The following DCC variants were observed in gnomAD, a reference collection of about 807,000 sequenced individuals.
The protein encoded by DCC is DCC netrin 1 receptor, also known as netrin receptor DCC.
In DCC, 58 loss-of-function variants were observed where a neutral mutation model predicts 172.5. That is an observed-to-expected ratio of 0.34 (90% CI 0.27 to 0.42). The LOEUF (loss-of-function observed/expected upper bound fraction) is 0.42. Among genes scored for constraint, DCC ranks in the 10% least tolerant of loss-of-function variants. DCC has a pLI of 1.00. For missense variants in DCC, 1,740 were observed against 1,791.0 expected (o/e 0.97, Z 0.51); for synonymous variants, 709 against 644.5 (o/e 1.10, Z -1.52).
chr18:52,487,385 G>A (rs528989705), intron 1 of DCC, among the ~76,000 whole-genome samples: 4 of 152,270 alleles, frequency 2.6e-5, no homozygotes, highest in East Asian at 3.9e-4. Flanking sequence ...GTACCTAGAA[G>A]TGCTTCAGTT....
At chr18:52,609,176 G>A (rs1355777813) in intron 1 of DCC, among the ~76,000 whole-genome samples, 12 of 152,054 alleles carry the variant, frequency 7.9e-5, no homozygotes, top group Admixed American at 4.6e-4. Context: ...CTCTTTTGCC[G>A]AGGTACAACA....
chr18:52,549,102 C>T (rs1359278857), intron 1 of DCC, among the ~76,000 whole-genome samples: 1 of 151,716 alleles, frequency 6.6e-6, no homozygotes, highest in Non-Finnish European at 1.5e-5. Flanking sequence ...TCTGAATGCA[C>T]TTTTCATGGT....
chr18:52,960,537 C>A (rs115576991), intron 5 of DCC, among the ~76,000 whole-genome samples: 9,963 of 152,052 alleles, frequency 0.066, 427 homozygotes, highest in South Asian at 0.15. Flanking sequence ...AAAAATTGAC[C>A]ATGGTTCATC....
At chr18:52,415,689 T>TGGA (rs1555679849) in intron 1 of DCC, among the ~76,000 whole-genome samples, 1 of 152,010 alleles carries the variant, frequency 6.6e-6, no homozygotes, top group Non-Finnish European at 1.5e-5. Context: ...AGAAGTGAAC[T>TGGA]GGCAGTGGGG....
At chr18:52,646,749 G>A (rs2035026985) in intron 1 of DCC, among the ~76,000 whole-genome samples, 1 of 152,162 alleles carries the variant, frequency 6.6e-6, no homozygotes, top group Admixed American at 6.5e-5. Flanking sequence ...TGGAGAAGGG[G>A]TGCACCAGCC....
intron 5 of DCC, among the ~76,000 whole-genome samples, chr18:53,038,594 T>C (rs1033386831): frequency 2.0e-5 from 3 of 152,006 alleles, no homozygotes; most frequent in East Asian, 1.9e-4. Flanking sequence ...AGATAGCTAT[T>C]AGTATCCTCA....
At chr18:52,803,219 A>G (rs1448725595) in intron 2 of DCC, among the ~76,000 whole-genome samples, 1 of 152,214 alleles carries the variant, frequency 6.6e-6, no homozygotes, top group African/African-American at 2.4e-5. Flanking sequence ...TGCACTAAAC[A>G]CTATGAAAAA....
intron 1 of DCC, among the ~76,000 whole-genome samples, chr18:52,736,891 G>A (rs2036738861): frequency 6.6e-6 from 1 of 152,032 alleles, no homozygotes. Context: ...ATGAATTATG[G>A]GGGAACCCAC....
chr18:52,490,307 C>A (rs898856584), intron 1 of DCC, among the ~76,000 whole-genome samples: 4 of 151,876 alleles, frequency 2.6e-5, no homozygotes, highest in Admixed American at 6.6e-5. Context: ...AAGAGATGAC[C>A]CTGCTTAAGA....
At chr18:53,149,540 C>T (rs2043968061) in intron 7 of DCC, among the ~76,000 whole-genome samples, 1 of 152,188 alleles carries the variant, frequency 6.6e-6, no homozygotes, top group Non-Finnish European at 1.5e-5. Flanking sequence ...CCTCGCCAAG[C>T]TGCCTGTGGT....
At chr18:52,840,142 C>T (rs964528681) in intron 2 of DCC, among the ~76,000 whole-genome samples, 1 of 152,164 alleles carries the variant, frequency 6.6e-6, no homozygotes, top group African/African-American at 2.4e-5. Context: ...ACCACTGAAG[C>T]CTGTCTAAAG....
chr18:53,003,290 G>A (rs1220172108), intron 5 of DCC, among the ~76,000 whole-genome samples: 4 of 152,208 alleles, frequency 2.6e-5, no homozygotes, highest in South Asian at 4.2e-4. Context: ...CAAATCATTC[G>A]ATACATAATT....
intron 2 of DCC, among the ~76,000 whole-genome samples, chr18:52,802,643 CTTTTT>C (rs776080029): frequency 1.2e-3 from 46 of 38,168 alleles, no homozygotes; most frequent in Non-Finnish European, 1.8e-3. Context: ...CACGCCAAGC[CTTTTT>C]TTTTTTTTTT....
At chr18:53,329,122 T>TA (rs1186592914) in intron 14 of DCC, among the ~76,000 whole-genome samples, 5 of 151,868 alleles carry the variant, frequency 3.3e-5, no homozygotes, top group Non-Finnish European at 4.4e-5. Context: ...GGCAGTTTTT[T>TA]AAAAAAATAT....
At chr18:52,769,140 T>C (rs2037300517) in intron 2 of DCC, among the ~76,000 whole-genome samples, 1 of 152,204 alleles carries the variant, frequency 6.6e-6, no homozygotes, top group South Asian at 2.1e-4. Context: ...TGCATTGTAT[T>C]TTACATGGCT....
chr18:52,817,190 AAATG>A (rs2038316179), intron 2 of DCC, among the ~76,000 whole-genome samples: 1 of 152,180 alleles, frequency 6.6e-6, no homozygotes, highest in African/African-American at 2.4e-5. Flanking sequence ...AAGAATGGAA[AAATG>A]AATAATATAA....
At chr18:53,384,404 G>A (rs1001863013) in intron 15 of DCC, among the ~76,000 whole-genome samples, 1 of 151,808 alleles carries the variant, frequency 6.6e-6, no homozygotes, top group East Asian at 1.9e-4. Flanking sequence ...TTTTTATTTA[G>A]TGATTCTGTT....
rs2046541520 is a variant in DCC, at chr18:53,533,256, CA to C, written c.*2606del. On this transcript the variant is annotated 3_prime_UTR_variant, in exon 29 of 29. Coordinates refer to ENST00000442544, the MANE Select transcript of DCC (RefSeq NM_005215.4). ...GACAAGAAGAAACCTGTGAATACTG[CA>C]AACTAGCCTCTGACTTCCTCCTACT... The C allele has an allele frequency of 6.6e-6, 1 of 152,130 alleles. No individual in the cohort carries two copies. The highest frequency in any genetic ancestry group is 1.5e-5 in the Non-Finnish European group (1 of 68,028). 9.4% of individuals were successfully genotyped at this position (152,130 alleles called of 1,614,324 possible).
chr18:53,339,833 A>G lies in DCC; in HGVS notation c.2285A>G (p.Tyr762Cys). ...NIVVRGYIIG[Y>C]GVGSPYAETV... ...GTGGTGCGAGGTTATATTATCGGTT[A>G]TGGCGTTGGGAGCCCTTACGCTGAG... Residue 762 changes from tyrosine (Y) to cysteine (C), a missense_variant, in exon 15 of 29, where the codon TAT becomes TGT. Coordinates refer to ENST00000442544, the MANE Select transcript of DCC (RefSeq NM_005215.4). 6.2e-7 allele frequency: 1 copy of G among 1,613,996 alleles called. No homozygotes were observed.
Sources: gnomAD v4.1 joint callset for allele counts (sites outside exome capture counted in the v4.1 genomes callset) on GRCh38, gnomAD v4.1.1 for gene constraint, MANE v1.5 for transcripts, NCBI Gene and HGNC (gene_info 2026-07-23, HGNC 2026-07-21) for gene names.